ANKMY1: variants seen among roughly 807,000 people sequenced by gnomAD.
The protein encoded by ANKMY1 is ankyrin repeat and MYND domain-containing protein 1.
ANKMY1 carries 98 observed loss-of-function variants against 102.0 expected under a neutral mutation model. The observed-to-expected ratio is 0.96, with a 90% confidence interval of 0.82 to 1.14. ANKMY1 has a LOEUF of 1.14. Among genes scored for constraint, ANKMY1 ranks in the 50% most tolerant of loss-of-function variants. The pLI is 0.00. For missense variants in ANKMY1, 1,330 were observed against 1,347.6 expected, an observed-to-expected ratio of 0.99 and a Z score of 0.20; for synonymous variants, 582 against 559.9, an observed-to-expected ratio of 1.04 and a Z score of -0.56.
At chr2:240,521,463 T>G (rs13009981) in intron 8 of ANKMY1, among the ~76,000 whole-genome samples, 54 of 148,776 alleles carry the variant, frequency 3.6e-4, no homozygotes, top group African/African-American at 1.3e-3. Context: ...ACTTCAAGAA[T>G]GAAGTCGCGG....
At chr2:240,478,730 TAA>T (rs11320254), downstream of ANKMY1, among the ~76,000 whole-genome samples, 19 of 149,494 alleles carry the variant, frequency 1.3e-4, no homozygotes, top group Admixed American at 1.3e-4. Flanking sequence ...GGAAAGTCAG[TAA>T]AAAAAAAAAA....
intron 15 of ANKMY1, among the ~76,000 whole-genome samples, chr2:240,494,970 G>A (rs2077055652): frequency 6.6e-6 from 1 of 152,034 alleles, no homozygotes; most frequent in Non-Finnish European, 1.5e-5. Context: ...TTACTTGGTA[G>A]TAATTACTCT....
chr2:240,555,887 T>TC (rs1371460981), intron 2 of ANKMY1, among the ~76,000 whole-genome samples: 5 of 149,302 alleles, frequency 3.3e-5, no homozygotes, highest in African/African-American at 1.0e-4. Flanking sequence ...GCATCTCAGT[T>TC]CCCCCCCAGA....
chr2:240,526,539 C>T (rs1559329267), intron 5 of ANKMY1, 94 bp from the exon 6 acceptor site: 1 of 1,551,204 alleles, frequency 6.4e-7, no homozygotes, highest in South Asian at 1.2e-5. Flanking sequence ...AATGCCTCTC[C>T]CTCTTGTGGC....
At chr2:240,509,296 T>C in intron 12 of ANKMY1, 52 bp downstream of exon 12, 1 of 1,465,808 alleles carries the variant, frequency 6.8e-7, no homozygotes, top group Non-Finnish European at 9.4e-7. Context: ...GGGTGGGCAC[T>C]GGAGACGGAA....
chr2:240,558,006 C>T, upstream of ANKMY1: 1 of 982,970 alleles, frequency 1.0e-6, no homozygotes, highest in Non-Finnish European at 1.2e-6. Context: ...GTCGCGTTTC[C>T]CTGGAGACAG....
intron 4 of ANKMY1, among the ~76,000 whole-genome samples, chr2:240,540,495 A>C (rs2088424304): frequency 6.6e-6 from 1 of 152,186 alleles, no homozygotes; most frequent in African/African-American, 2.4e-5. Context: ...AAAGAACTGA[A>C]ACTCACCAGA....
chr2:240,478,328 T>G (rs1347486065), downstream of ANKMY1, among the ~76,000 whole-genome samples: 1 of 152,246 alleles, frequency 6.6e-6, no homozygotes, highest in Admixed American at 6.5e-5. Flanking sequence ...AGGTTCTTTC[T>G]TTTGCTTTGT....
rs755846783 is a variant in ANKMY1 at position 240,524,372 on chromosome 2, T to C, written c.1345A>G (p.Lys449Glu). 5.7e-6 allele frequency: 9 copies of C among 1,591,540 alleles called. No homozygotes were observed. Among genetic ancestry groups the C allele is most frequent in the African/African-American group, 4.1e-5 (3 of 73,998 alleles). Residue 449 changes from lysine to glutamate, a missense_variant, in exon 8 of 18, where the codon AAA becomes GAA. Coordinates refer to ENST00000401804, the MANE Select transcript of ANKMY1 (RefSeq NM_001282771.3). ...RTIPEPQEPPKFPVVPILSSS... is the reference protein window; with the variant it reads ...RTIPEPQEPPEFPVVPILSSS... ...GAAAGGATTGGAACAACTGGGAATTTTGGAGGTTCCTTTGGAAAGAACCAA... is the reference window on the plus strand; with the variant it reads ...GAAAGGATTGGAACAACTGGGAATTCTGGAGGTTCCTTTGGAAAGAACCAA...
intron 9 of ANKMY1, among the ~76,000 whole-genome samples, chr2:240,517,946 G>GA (rs776335544): frequency 2.6e-5 from 4 of 152,124 alleles, no homozygotes; most frequent in Non-Finnish European, 5.9e-5. Flanking sequence ...TTGCATTTTA[G>GA]AAAAAAACTC....
chr2:240,470,758 A>G, the ANKMY1 span, among the ~76,000 whole-genome samples: 1 of 152,244 alleles, frequency 6.6e-6, no homozygotes, highest in Non-Finnish European at 1.5e-5. Flanking sequence ...ACAGCAACAC[A>G]GTAGACTCAG....
chr2:240,519,776 C>G (rs1313867280), intron 9 of ANKMY1: 1 of 205,594 alleles, frequency 4.9e-6, no homozygotes, highest in African/African-American at 2.3e-5. Flanking sequence ...AACTAGCAGG[C>G]TAATTTATTC....
intron 4 of ANKMY1, among the ~76,000 whole-genome samples, chr2:240,536,458 G>A (rs933876414): frequency 3.3e-5 from 5 of 152,130 alleles, no homozygotes; most frequent in Admixed American, 6.5e-5. Flanking sequence ...GCACAGCAGC[G>A]CCACTCATTT....
the ANKMY1 span, among the ~76,000 whole-genome samples, chr2:240,473,724 T>C: frequency 6.6e-6 from 1 of 152,190 alleles, no homozygotes; most frequent in Non-Finnish European, 1.5e-5. Flanking sequence ...TGAAAACCTA[T>C]AAATGTGATA....
chr2:240,512,176 T>C (rs926900778), intron 10 of ANKMY1, among the ~76,000 whole-genome samples, 175 bp from the exon 11 acceptor site: 4 of 152,244 alleles, frequency 2.6e-5, no homozygotes, highest in African/African-American at 9.6e-5. Flanking sequence ...TGCCTGTCTC[T>C]GAGACACCCC....
chr2:240,478,557 G>A (rs1371026311), downstream of ANKMY1, among the ~76,000 whole-genome samples: 1 of 152,036 alleles, frequency 6.6e-6, no homozygotes, highest in Non-Finnish European at 1.5e-5. Flanking sequence ...GCCGATGCAG[G>A]GGTACAAAGG....
rs192442609 is a variant in ANKMY1 at position 240,557,142 on chromosome 2, T to C, written c.146+48A>G. The C allele has an allele frequency of 6.8e-3, 9,521 of 1,401,464 alleles. 47 individuals are homozygous for C. Among genetic ancestry groups the C allele is most frequent in the Non-Finnish European group, 8.0e-3 (8,525 of 1,066,066 alleles). The allele number at this position is 1,401,464 out of a possible 1,614,324, so 86.8% of individuals were successfully genotyped here. ...CCTTAAGGAGAATCCCGGCTAACCC[T>C]GGGCCCCAGGTCAGGGTCGGACCTC... On this transcript the variant is annotated intron_variant, in intron 2 of 17. Transcript: ENST00000401804.
chr2:240,499,624 C>A lies in ANKMY1; in HGVS notation c.2806+334G>T, dbSNP rs2077820118. On this transcript the variant is annotated intron_variant, in intron 15 of 17. Transcript: ENST00000401804. This position sits in a 1 kb window ranked among gnomAD's most constrained non-coding sequence, Gnocchi z 4.2. ...AGCAGCACCCCAGGCCTCGGGCCCA[C>A]AGTCCCTGTGCCGGATAGACTGGCA... Among the ~76,000 whole-genome samples the A allele has an allele frequency of 6.6e-6, 1 of 151,998 alleles. No individual in the cohort carries two copies. The highest frequency in any genetic ancestry group is 6.6e-5 in the Admixed American group (1 of 15,264).
chr2:240,506,219 C>A lies in ANKMY1; in HGVS notation c.2526+1341G>T, dbSNP rs1035003519. Among the ~76,000 whole-genome samples, 2 of 152,216 alleles carry A rather than the reference C, an allele frequency of 1.3e-5. No homozygotes were observed. The highest frequency in any genetic ancestry group is 4.8e-5 in the African/African-American group (2 of 41,464). On this transcript the variant is annotated intron_variant, in intron 13 of 17. Coordinates refer to ENST00000401804, the MANE Select transcript of ANKMY1 (RefSeq NM_001282771.3). The surrounding 1 kb of genome is among the most constrained non-coding windows in gnomAD (Gnocchi z 4.9). ...TCAAGGCACATTCAGCGTCCACACA[C>A]AACAACGCTGCCCCCTGAGCTGCCT...
Sources: allele counts gnomAD v4.1 joint callset (sites outside exome capture counted in the v4.1 genomes callset), GRCh38; gene constraint gnomAD v4.1.1; non-coding constraint Gnocchi (gnomAD v3.1); transcripts MANE v1.5; gene names NCBI Gene and HGNC (gene_info 2026-07-23, HGNC 2026-07-21).